LASP1: variants seen among roughly 807,000 people sequenced by gnomAD.
LASP1 encodes LIM and SH3 domain protein 1.
In LASP1, 10 loss-of-function variants were observed where a neutral mutation model predicts 38.6. The ratio of observed to expected loss-of-function variants is 0.26; its 90% CI spans 0.16 to 0.44. The LOEUF (loss-of-function observed/expected upper bound fraction) is 0.44. LASP1 is among the 20% of genes least tolerant of loss of function. The probability of loss-of-function intolerance (pLI) is 1.00; values close to 1 mark genes in which losing one functional copy is unlikely to be tolerated. For synonymous variants in LASP1, 132 were observed against 140.8 expected (o/e 0.94, Z 0.44); for missense variants, 243 against 375.7 (o/e 0.65, Z 2.92).
rs575480991 is a variant in LASP1, at chr17:38,870,107, C to A, written c.-83C>A. On this transcript the variant is annotated 5_prime_UTR_variant, in exon 1 of 7. Transcript: ENST00000318008. ...GTCGCTGCTGCCTGTGTAGTTGCAG[C>A]CGCGGCCGCCTCCCGCCAGCTCGCC... is the stretch of plus-strand genomic sequence containing the variant. 70 of 1,508,846 alleles carry A rather than the reference C, an allele frequency of 4.6e-5. No individual in the cohort carries two copies. The East Asian group carries it at 1.4e-3, about 31-fold the overall frequency. 93.5% of individuals were successfully genotyped at this position (1,508,846 alleles called of 1,614,324 possible). A position where few individuals can be genotyped will look rare whatever the true frequency, so the allele number is the denominator to read the frequency against.
In LASP1 at chr17:38,901,892, A is replaced by G. The variant is rs569304120; in HGVS notation, c.357+3373A>G. Among the ~76,000 whole-genome samples the G allele has an allele frequency of 6.8e-4, 103 of 152,026 alleles. 1 individual carries two copies. The highest frequency in any genetic ancestry group is 2.0e-4 in the Admixed American group (3 of 15,254). ...GCCATTCTGCTGCCTCAGCCTCGTG[A>G]GTAGCTGGGACTACAGGCGCCCGCC... On this transcript the variant is annotated intron_variant, in intron 4 of 6. Transcript: ENST00000318008.
chr17:38,878,569 C>G (rs893172237), intron 2 of LASP1, among the ~76,000 whole-genome samples: 2 of 152,124 alleles, frequency 1.3e-5, no homozygotes, highest in Non-Finnish European at 2.9e-5. Context: ...AGTGACGTGT[C>G]TGTTGTATTT....
chr17:38,905,530 CAAAAA>C (rs35515925), intron 4 of LASP1, among the ~76,000 whole-genome samples: 1 of 93,126 alleles, frequency 1.1e-5, no homozygotes, highest in Non-Finnish European at 2.1e-5. Context: ...GACTCCATCT[CAAAAA>C]AAAAAAAAAA....
intron 1 of LASP1, among the ~76,000 whole-genome samples, chr17:38,872,760 A>G (rs1425621738): frequency 2.0e-5 from 3 of 152,140 alleles, no homozygotes; most frequent in Non-Finnish European, 4.4e-5. Flanking sequence ...TCAGCCCACT[A>G]CGTGGCCCAA....
chr17:38,890,636 G>C, intron 3 of LASP1, 132 bp downstream of exon 3: 1 of 785,074 alleles, frequency 1.3e-6, no homozygotes, highest in Non-Finnish European at 2.2e-6. Flanking sequence ...TCCTAGCATT[G>C]CCTTTAATCT....
chr17:38,906,974 C>T (rs1024938851), intron 4 of LASP1, among the ~76,000 whole-genome samples: 2 of 152,202 alleles, frequency 1.3e-5, no homozygotes, highest in Admixed American at 6.5e-5. Flanking sequence ...GCGCTCCTCA[C>T]TCAGGGCTCT....
chr17:38,888,668 T>C (rs1315908093), intron 2 of LASP1, among the ~76,000 whole-genome samples: 2 of 152,096 alleles, frequency 1.3e-5, no homozygotes, highest in East Asian at 3.9e-4. Flanking sequence ...GACCCCAAAA[T>C]CCCTCCCTTC....
In LASP1 at chr17:38,921,429, C is replaced by G. The variant is rs1915295383; in HGVS notation, c.*2651C>G. 4.3e-6 allele frequency: 1 copy of G among 232,566 alleles called. No homozygotes were observed. Among genetic ancestry groups the G allele is most frequent in the South Asian group, 1.8e-4 (1 of 5,516 alleles). 14.4% of individuals were successfully genotyped at this position (232,566 alleles called of 1,614,324 possible). On this transcript the variant is annotated 3_prime_UTR_variant, in exon 7 of 7. Transcript: ENST00000318008. ...TTATTGCTTAATTTCTGCCTTTCCCCCCTCACACATGCACTTTTGGGCCTT... is the reference window on the plus strand; with the variant it reads ...TTATTGCTTAATTTCTGCCTTTCCCGCCTCACACATGCACTTTTGGGCCTT...
chr17:38,902,502 G>T (rs922063888), intron 4 of LASP1, among the ~76,000 whole-genome samples: 1 of 150,628 alleles, frequency 6.6e-6, no homozygotes, highest in Non-Finnish European at 1.5e-5. Flanking sequence ...GAGCCACTGC[G>T]CCTGGGAGCT....
Position 38,896,096 on chromosome 17 carries a change from G to C in LASP1, c.250-2316G>C, listed in dbSNP as rs529759025. ...GAGCCATCCTAGACAACAGGGGCAA[G>C]CACTCCTGCCAGGGCAAGAAGGGAG... is the stretch of plus-strand genomic sequence containing the variant. On this transcript the variant is annotated intron_variant, in intron 3 of 6. Transcript: ENST00000318008. 5.3e-5 allele frequency among the ~76,000 whole-genome samples: 8 copies of C among 152,278 alleles called. No homozygotes were observed. The South Asian group carries it at 1.7e-3, about 32-fold the overall frequency.
At chr17:38,870,558 G>A in intron 1 of LASP1, among the ~76,000 whole-genome samples, 1 of 152,186 alleles carries the variant, frequency 6.6e-6, no homozygotes. Context: ...GTGTGTTGGG[G>A]GAAGGTTAGG....
At chr17:38,913,610 G>A (rs866088388) in intron 4 of LASP1, among the ~76,000 whole-genome samples, 2 of 152,166 alleles carry the variant, frequency 1.3e-5, no homozygotes, top group African/African-American at 4.8e-5. Flanking sequence ...ACCTAGCACG[G>A]CCCTGGCGCA....
intron 4 of LASP1, among the ~76,000 whole-genome samples, chr17:38,910,627 A>G (rs757797947): frequency 1.3e-5 from 2 of 152,050 alleles, no homozygotes; most frequent in Non-Finnish European, 2.9e-5. Flanking sequence ...TCCAAAATGC[A>G]TATTCCAGAA....
chr17:38,901,607 TGG>T (rs1914642791), intron 4 of LASP1, among the ~76,000 whole-genome samples: 1 of 151,712 alleles, frequency 6.6e-6, no homozygotes, highest in South Asian at 2.1e-4. Context: ...TCTCTGGGAG[TGG>T]GGCCCAGGAA....
At chr17:38,891,240 C>T (rs540534194) in intron 3 of LASP1, among the ~76,000 whole-genome samples, 235 of 152,120 alleles carry the variant, frequency 1.5e-3, no homozygotes, top group African/African-American at 5.4e-3. Context: ...AAGGATTAGG[C>T]GCGAGAATAC....
rs551411683 is a variant in LASP1, at chr17:38,914,387, G to A, written c.420G>A (p.Glu140=). 14 of 1,612,158 alleles carry A rather than the reference G, an allele frequency of 8.7e-6. No individual in the cohort carries two copies. The highest frequency in any genetic ancestry group is 1.3e-5 in the African/African-American group (1 of 74,860). ...RMGPSGGEGM[E]PERRDSQDGS... Reference sequence around the variant, plus strand: ...GCCCTAGCGGGGGCGAGGGCATGGAGCCAGAGCGTCGGGATTCACAGGACG... The same window carrying A: ...GCCCTAGCGGGGGCGAGGGCATGGAACCAGAGCGTCGGGATTCACAGGACG... Residue 140 remains glutamate (E), a synonymous_variant, in exon 5 of 7, where the codon GAG becomes GAA. Transcript: ENST00000318008.
At chr17:38,914,855 G>T (rs1026381056) in intron 5 of LASP1, 188 bp from the exon 6 acceptor site, 6 of 619,174 alleles carry the variant, frequency 9.7e-6, no homozygotes, top group Middle Eastern at 3.5e-4. Context: ...AGGTCATGGG[G>T]CTCAGAGCCC....
At position 38,918,287 on chromosome 17, in the gene LASP1, G is replaced by A. The variant is rs922727123; in HGVS notation, c.613-318G>A. On this transcript the variant is annotated intron_variant, in intron 6 of 6. Transcript: ENST00000318008. This position sits in a 1 kb window ranked among gnomAD's most constrained non-coding sequence, Gnocchi z 4.4. ...AGCCACTGCACCTGGCCTGCATGTC[G>A]TATTTTTAGACATTACTCTGTCATC... Among the ~76,000 whole-genome samples the A allele has an allele frequency of 3.3e-5, 5 of 152,122 alleles. No homozygotes were observed. Among genetic ancestry groups the A allele is most frequent in the Non-Finnish European group, 4.4e-5 (3 of 68,020 alleles).
chr17:38,919,923 G>A lies in LASP1; in HGVS notation c.*1145G>A, dbSNP rs1330323016. The A allele has an allele frequency of 1.9e-6, 1 of 529,104 alleles. No individual in the cohort carries two copies. The highest frequency in any genetic ancestry group is 3.7e-6 in the Non-Finnish European group (1 of 273,274). The allele number at this position is 529,104 out of a possible 1,614,324, so 32.8% of individuals were successfully genotyped here. A position where few individuals can be genotyped will look rare whatever the true frequency, so the allele number is the denominator to read the frequency against. ...GGGGGTGTGTCTGTAGGTGTCTCTG[G>A]GCCTGTGTGTGGGTGGGGTTATGTG... On this transcript the variant is annotated 3_prime_UTR_variant, in exon 7 of 7. Transcript: ENST00000318008.
Sources: gnomAD v4.1 joint callset for allele counts (sites outside exome capture counted in the v4.1 genomes callset) on GRCh38, gnomAD v4.1.1 for gene constraint, Gnocchi (gnomAD v3.1) non-coding constraint, MANE v1.5 for transcripts, NCBI Gene and HGNC (gene_info 2026-07-23, HGNC 2026-07-21) for gene names.